The following LIPC variants were observed in gnomAD, a reference collection of about 807,000 sequenced individuals.
LIPC encodes the protein hepatic triacylglycerol lipase.
A neutral mutation model predicts 50.7 loss-of-function variants in LIPC; 44 were observed. The observed-to-expected ratio is 0.87, with a 90% CI of 0.68 to 1.11. The LOEUF is 1.11. Ranked by LOEUF, LIPC falls within the 50% of genes most tolerant of loss-of-function variation. The probability of loss-of-function intolerance (pLI) is 0.00; values close to 1 mark genes in which losing one functional copy is unlikely to be tolerated. For missense variants in LIPC, 697 were observed against 648.2 expected, an observed-to-expected ratio of 1.08 and a Z score of -0.82; for synonymous variants, 271 against 256.4, an observed-to-expected ratio of 1.06 and a Z score of -0.54.
intron 1 of LIPC, among the ~76,000 whole-genome samples, chr15:58,457,453 G>A (rs1224390460): frequency 6.6e-6 from 1 of 152,200 alleles, no homozygotes; most frequent in Non-Finnish European, 1.5e-5. Flanking sequence ...CCTGTGGACA[G>A]CAAGAAGGCC....
intron 1 of LIPC, among the ~76,000 whole-genome samples, chr15:58,478,065 T>C (rs1171511749): frequency 6.6e-6 from 1 of 152,008 alleles, no homozygotes; most frequent in East Asian, 1.9e-4. Context: ...CCTCCCCCCA[T>C]AGCTCAGTGT....
At chr15:58,542,422 C>G in intron 3 of LIPC, 112 bp from the exon 4 acceptor site, 1 of 783,120 alleles carries the variant, frequency 1.3e-6, no homozygotes. Flanking sequence ...AATAAGGCAC[C>G]TCATTTCTGA....
chr15:58,506,278 T>C (rs575306139), intron 1 of LIPC, among the ~76,000 whole-genome samples: 3 of 152,166 alleles, frequency 2.0e-5, no homozygotes, highest in South Asian at 2.1e-4. Flanking sequence ...GCTCCTTCCA[T>C]AGATCTCTGA....
At chr15:58,481,485 TACA>T (rs1891187263) in intron 1 of LIPC, among the ~76,000 whole-genome samples, 1 of 152,158 alleles carries the variant, frequency 6.6e-6, no homozygotes, top group Non-Finnish European at 1.5e-5. Context: ...TATATCCATG[TACA>T]AGAACACTAT....
At chr15:58,467,237 G>A (rs1456425785) in intron 1 of LIPC, among the ~76,000 whole-genome samples, 1 of 152,174 alleles carries the variant, frequency 6.6e-6, no homozygotes, top group African/African-American at 2.4e-5. Flanking sequence ...GTGATCACCT[G>A]ACCCACTCAT....
chr15:58,522,793 T>C (rs35120591), intron 1 of LIPC: 37,810 of 152,378 alleles, frequency 0.25, 5,612 homozygotes, highest in East Asian at 0.4. Context: ...GCCCATCCCA[T>C]TGCCACCCAC....
chr15:58,544,752 G>A (rs533682007), intron 4 of LIPC, among the ~76,000 whole-genome samples: 1 of 152,260 alleles, frequency 6.6e-6, no homozygotes, highest in South Asian at 2.1e-4. Context: ...TGATCTCACG[G>A]CTCACTCTCA....
At chr15:58,467,764 G>A (rs16940338) in intron 1 of LIPC, among the ~76,000 whole-genome samples, 5 of 152,014 alleles carry the variant, frequency 3.3e-5, no homozygotes, top group South Asian at 2.1e-4. Context: ...TCACTGTTGC[G>A]CAGTGGTTTG....
At chr15:58,447,341 G>A (rs16940314) in intron 1 of LIPC, among the ~76,000 whole-genome samples, 9,492 of 151,960 alleles carry the variant, frequency 0.062, 1,006 homozygotes, top group African/African-American at 0.22. Context: ...GTCTGTGCTC[G>A]ACATCTGTGA....
chr15:58,549,551 C>T (rs909479286), intron 6 of LIPC, among the ~76,000 whole-genome samples: 2 of 152,206 alleles, frequency 1.3e-5, no homozygotes, highest in African/African-American at 2.4e-5. Context: ...GCAAAACTCG[C>T]GTGGGGTGCC....
intron 1 of LIPC, among the ~76,000 whole-genome samples, chr15:58,509,868 C>T (rs1314157697): frequency 6.6e-6 from 1 of 151,622 alleles, no homozygotes; most frequent in African/African-American, 2.4e-5. Flanking sequence ...ATTATATTTA[C>T]CAGTCAAAAT....
At chr15:58,520,020 G>A (rs1160026971) in intron 1 of LIPC, among the ~76,000 whole-genome samples, 2 of 151,900 alleles carry the variant, frequency 1.3e-5, no homozygotes, top group South Asian at 2.1e-4. Context: ...GCATTAGATG[G>A]TAGGTCCAGA....
chr15:58,526,667 C>T (rs1892809037), intron 1 of LIPC, among the ~76,000 whole-genome samples: 1 of 152,154 alleles, frequency 6.6e-6, no homozygotes, highest in African/African-American at 2.4e-5. Flanking sequence ...CTGGCAAAGA[C>T]CTTGGTGGAT....
chr15:58,485,821 T>C (rs1423970314), intron 1 of LIPC, among the ~76,000 whole-genome samples: 1 of 152,220 alleles, frequency 6.6e-6, no homozygotes, highest in African/African-American at 2.4e-5. Flanking sequence ...AGGCCCCTTC[T>C]TCTCAAAGGC....
At chr15:58,459,519 T>C (rs542721957) in intron 1 of LIPC, among the ~76,000 whole-genome samples, 4 of 152,174 alleles carry the variant, frequency 2.6e-5, no homozygotes, top group African/African-American at 4.8e-5. Context: ...CAGCAGTTTC[T>C]GGAGGAAGTC....
chr15:58,542,952 T>C (rs1401980389), intron 4 of LIPC, among the ~76,000 whole-genome samples: 1 of 152,226 alleles, frequency 6.6e-6, no homozygotes, highest in Non-Finnish European at 1.5e-5. Context: ...TCTTATTTTT[T>C]AATCTATAAT....
rs189557177 is a variant in LIPC at position 58,530,324 on chromosome 15, C to T, written c.89-8009C>T. ...GCTCCATGAGGGCTGGCTCCCTCCC[C>T]GACCTGGTCTTTTGGTTCAAAGTCA... On this transcript the variant is annotated intron_variant, in intron 1 of 8. Transcript: ENST00000299022. 2.2e-4 allele frequency among the ~76,000 whole-genome samples: 33 copies of T among 152,316 alleles called. No homozygotes were observed. The East Asian group carries it at 3.5e-3, about 16-fold the overall frequency.
At chr15:58,445,376 T>C (rs1468510939) in intron 1 of LIPC, among the ~76,000 whole-genome samples, 1 of 152,016 alleles carries the variant, frequency 6.6e-6, no homozygotes, top group African/African-American at 2.4e-5. Context: ...AGCCAGGGGG[T>C]TGCCTAGACT....
intron 1 of LIPC, among the ~76,000 whole-genome samples, chr15:58,496,893 C>A (rs1231091022): frequency 1.1e-4 from 16 of 152,104 alleles, no homozygotes; most frequent in African/African-American, 3.9e-4. Flanking sequence ...CTATGTTGGC[C>A]AGGCTGGTCT....
Sources: allele counts gnomAD v4.1 joint callset (sites outside exome capture counted in the v4.1 genomes callset), GRCh38; gene constraint gnomAD v4.1.1; transcripts MANE v1.5; gene names NCBI Gene and HGNC (gene_info 2026-07-23, HGNC 2026-07-21).